SLC24A2: variants seen among roughly 807,000 people sequenced by gnomAD.
The protein encoded by SLC24A2 is solute carrier family 24 member 2, also known as sodium/potassium/calcium exchanger 2.
A neutral mutation model predicts 62.0 loss-of-function variants in SLC24A2; 36 were observed. The observed-to-expected ratio is 0.58, with a 90% confidence interval of 0.44 to 0.77. The LOEUF is 0.77. SLC24A2 is among the 30% of genes least tolerant of loss of function. The pLI, the probability that SLC24A2 is intolerant of heterozygous loss-of-function variation, is 0.00. For missense variants in SLC24A2, 846 were observed against 817.9 expected (o/e 1.03, Z -0.42); for synonymous variants, 358 against 294.0 (o/e 1.22, Z -2.23).
chr9:19,693,763 G>T (rs1222712908), intron 2 of SLC24A2, among the ~76,000 whole-genome samples: 1 of 151,958 alleles, frequency 6.6e-6, no homozygotes, highest in East Asian at 1.9e-4. Context: ...TTTTTATAAA[G>T]GTGATTTCCG....
At chr9:19,713,949 C>G (rs915109298) in intron 2 of SLC24A2, among the ~76,000 whole-genome samples, 1 of 152,192 alleles carries the variant, frequency 6.6e-6, no homozygotes, top group African/African-American at 2.4e-5. Flanking sequence ...AATCCCCAAA[C>G]TGTTGGTAGA....
chr9:20,094,265 C>A, the SLC24A2 span, among the ~76,000 whole-genome samples: 1 of 152,106 alleles, frequency 6.6e-6, no homozygotes, highest in Non-Finnish European at 1.5e-5. Flanking sequence ...GTTTGAGTTG[C>A]AAGCTAAAGT....
chr9:19,719,461 T>C (rs558373803), intron 2 of SLC24A2, among the ~76,000 whole-genome samples: 2 of 151,666 alleles, frequency 1.3e-5, no homozygotes, highest in Non-Finnish European at 2.9e-5. Flanking sequence ...TTTAACCATA[T>C]TGCTTCCTAG....
chr9:19,893,150 G>A, the SLC24A2 span, among the ~76,000 whole-genome samples: 2 of 152,224 alleles, frequency 1.3e-5, no homozygotes, highest in South Asian at 4.1e-4. Context: ...TTTGAGTGGC[G>A]GGCAGAGAAG....
chr9:20,064,271 A>T, the SLC24A2 span, among the ~76,000 whole-genome samples: 1 of 152,220 alleles, frequency 6.6e-6, no homozygotes, highest in East Asian at 1.9e-4. Flanking sequence ...AAAAATGCAT[A>T]TTTATAAAGA....
the SLC24A2 span, among the ~76,000 whole-genome samples, chr9:20,090,142 A>C: frequency 2.0e-5 from 3 of 152,006 alleles, no homozygotes; most frequent in Non-Finnish European, 4.4e-5. Context: ...GCTCCTACCC[A>C]CACTCCTGCT....
At chr9:19,839,030 A>C in the SLC24A2 span, among the ~76,000 whole-genome samples, 495 of 152,344 alleles carry the variant, frequency 3.2e-3, 1 homozygote, top group African/African-American at 0.011. Flanking sequence ...GAATGAACTC[A>C]AACAAATTTA....
chr9:19,833,450 G>T, the SLC24A2 span, among the ~76,000 whole-genome samples: 3 of 152,334 alleles, frequency 2.0e-5, no homozygotes, highest in East Asian at 3.9e-4. Flanking sequence ...GGCTCGGAGG[G>T]TCCTATGCCC....
chr9:19,820,993 G>GA, the SLC24A2 span, among the ~76,000 whole-genome samples: 2 of 151,754 alleles, frequency 1.3e-5, no homozygotes, highest in South Asian at 2.1e-4. Context: ...TTATATTTTT[G>GA]AAAAAATACT....
At chr9:20,124,880 T>C in the SLC24A2 span, among the ~76,000 whole-genome samples, 1 of 152,222 alleles carries the variant, frequency 6.6e-6, no homozygotes, top group South Asian at 2.1e-4. Context: ...AAGATTCATT[T>C]ATTGAAGATA....
the SLC24A2 span, among the ~76,000 whole-genome samples, chr9:20,057,298 TC>T: frequency 2.6e-4 from 39 of 152,240 alleles, no homozygotes; most frequent in Non-Finnish European, 4.3e-4. Context: ...AGTAACCCAT[TC>T]CCTAATCTTT....
the SLC24A2 span, among the ~76,000 whole-genome samples, chr9:20,251,850 C>G: frequency 1.3e-5 from 2 of 152,212 alleles, no homozygotes; most frequent in African/African-American, 2.4e-5. Context: ...CTCATGGACT[C>G]AAGATGCTGC....
At chr9:20,103,159 T>G in the SLC24A2 span, among the ~76,000 whole-genome samples, 1 of 152,154 alleles carries the variant, frequency 6.6e-6, no homozygotes, top group Non-Finnish European at 1.5e-5. Flanking sequence ...GCACCCACCA[T>G]TGCCCAGGCT....
chr9:19,787,258 T>C (rs1484240798), intron 1 of SLC24A2, among the ~76,000 whole-genome samples: 2 of 152,208 alleles, frequency 1.3e-5, no homozygotes, highest in Admixed American at 6.5e-5. Flanking sequence ...GTGGCACTTA[T>C]GAAGATGTAT....
chr9:19,609,969 C>A (rs1837102250), intron 4 of SLC24A2, among the ~76,000 whole-genome samples: 1 of 152,328 alleles, frequency 6.6e-6, no homozygotes, highest in Admixed American at 6.5e-5. Flanking sequence ...CGGTCATGCT[C>A]ACCCACTGGC....
the SLC24A2 span, among the ~76,000 whole-genome samples, chr9:20,262,282 A>G: frequency 1.3e-5 from 2 of 152,330 alleles, no homozygotes; most frequent in Admixed American, 6.5e-5. Flanking sequence ...TTGTTTTGGC[A>G]TGTCCTACCT....
the SLC24A2 span, among the ~76,000 whole-genome samples, chr9:19,831,720 T>C: frequency 6.6e-6 from 1 of 152,326 alleles, no homozygotes; most frequent in African/African-American, 2.4e-5. Context: ...CTTCTGGTAG[T>C]GAGAAAAAAA....
At chr9:20,224,780 C>T in the SLC24A2 span, among the ~76,000 whole-genome samples, 3 of 152,150 alleles carry the variant, frequency 2.0e-5, no homozygotes, top group East Asian at 3.9e-4. Flanking sequence ...TGTTGGGGCC[C>T]TGCCCAGATC....
the SLC24A2 span, among the ~76,000 whole-genome samples, chr9:20,018,449 G>A: frequency 6.6e-6 from 1 of 152,060 alleles, no homozygotes. Context: ...ATCATCTCTA[G>A]GTGGAGATTA....
Sources: gnomAD v4.1 joint callset for allele counts (sites outside exome capture counted in the v4.1 genomes callset) on GRCh38, gnomAD v4.1.1 for gene constraint, MANE v1.5 for transcripts, NCBI Gene and HGNC (gene_info 2026-07-23, HGNC 2026-07-21) for gene names.